The following ODF4 variants were observed in gnomAD, a reference collection of about 807,000 sequenced individuals.
ODF4 encodes the protein outer dense fiber protein 4.
A neutral mutation model predicts 17.0 loss-of-function variants in ODF4; 11 were observed. That is an observed-to-expected ratio of 0.65 (90% confidence interval 0.41 to 1.07). The LOEUF (loss-of-function observed/expected upper bound fraction) is 1.07, where lower values mean the gene tolerates loss of function less well. Ranked by LOEUF, ODF4 falls within the 50% of genes least tolerant of loss-of-function variation. ODF4 has a pLI of 0.00. For missense variants in ODF4, 281 were observed against 310.2 expected, an observed-to-expected ratio of 0.91 and a Z score of 0.71; for synonymous variants, 127 against 121.8, an observed-to-expected ratio of 1.04 and a Z score of -0.28.
At position 8,340,050 on chromosome 17, in the gene ODF4, A is replaced by G. The variant is rs749175207; in HGVS notation, c.-2A>G. 3 of 1,510,116 alleles carry G rather than the reference A, an allele frequency of 2.0e-6. No homozygotes were observed. Among genetic ancestry groups the G allele is most frequent in the South Asian group, 1.4e-5 (1 of 73,870 alleles). 93.5% of individuals were successfully genotyped at this position (1,510,116 alleles called of 1,614,324 possible). On this transcript the variant is annotated 5_prime_UTR_variant, in exon 1 of 3. Coordinates refer to ENST00000328248, the MANE Select transcript of ODF4 (RefSeq NM_153007.5). The stretch of plus-strand genomic sequence containing the variant: ...GAGACAGAGGGTGAAGTGGTGCTCA[A>G]GATGGATGCAGAGTACTCTGGGAAT...
chr17:8,341,640 C>T (rs763576270), intron 1 of ODF4, among the ~76,000 whole-genome samples: 2 of 151,956 alleles, frequency 1.3e-5, no homozygotes, highest in African/African-American at 4.8e-5. Context: ...GACTACAGGC[C>T]GTGGCCACCA....
chr17:8,345,364 T>C lies in ODF4; in HGVS notation c.476T>C (p.Leu159Pro). Reference sequence around the variant, plus strand: ...CTAGTCACCTTCATCTTCTCCACCCTCATGCTATTCCCCATTAACATCTGG... The same window carrying C: ...CTAGTCACCTTCATCTTCTCCACCCCCATGCTATTCCCCATTAACATCTGG... Reference protein sequence around the residue: ...NGKVTFIFSTLMLFPINIWIF... With the variant: ...NGKVTFIFSTPMLFPINIWIF... Residue 159 changes from leucine (L) to proline (P), a missense_variant, in exon 2 of 3, where the codon CTC becomes CCC. Transcript: ENST00000328248. This position sits in a 1 kb window ranked among gnomAD's most constrained non-coding sequence, Gnocchi z 4.1. 6.2e-7 allele frequency: 1 copy of C among 1,613,822 alleles called. No individual in the cohort carries two copies. Among genetic ancestry groups the C allele is most frequent in the Non-Finnish European group, 8.5e-7 (1 of 1,179,714 alleles).
intron 1 of ODF4, among the ~76,000 whole-genome samples, chr17:8,344,082 C>T (rs1394573340): frequency 8.0e-6 from 1 of 125,572 alleles, no homozygotes; most frequent in East Asian, 2.3e-4. Flanking sequence ...AGCCACTGCA[C>T]CCGACACCAA....
chr17:8,345,753 C>T lies in ODF4; in HGVS notation c.675C>T (p.Phe225=), dbSNP rs187448085. 17 of 1,614,054 alleles carry T rather than the reference C, an allele frequency of 1.1e-5. No homozygotes were observed. In the South Asian group the frequency reaches 1.2e-4, roughly 11 times the overall value. Residue 225 remains phenylalanine (F), a synonymous_variant, in exon 3 of 3, where the codon TTC becomes TTT. Transcript: ENST00000328248. This position sits in a 1 kb window ranked among gnomAD's most constrained non-coding sequence, Gnocchi z 4.1. ...GTGCCGTGTCCTGCAGCAGCAGTTT[C>T]GGCTCAGTAGAAGAATCTCCAAGGG... ...PSGAVSCSSS[F]GSVEESPRAQ... is the part of the protein sequence containing the mutation.
intron 1 of ODF4, among the ~76,000 whole-genome samples, chr17:8,341,150 A>T (rs1160645519): frequency 6.6e-6 from 1 of 151,912 alleles, no homozygotes; most frequent in South Asian, 2.1e-4. Context: ...AGACCGCACC[A>T]TTGCACTCCA....
rs60921277 is a variant in ODF4, at chr17:8,344,613, G to A, written c.455-730G>A. Among the ~76,000 whole-genome samples the A allele has an allele frequency of 5.5e-5, 5 of 91,122 alleles. 2 individuals carry two copies. The highest frequency in any genetic ancestry group is 1.9e-4 in the Admixed American group (2 of 10,448). 59.8% of individuals were successfully genotyped at this position (91,122 alleles called of 152,430 possible). On this transcript the variant is annotated intron_variant, in intron 1 of 2. Transcript: ENST00000328248. ...AAGCGATTCTCCTGCCTCAGCCTCC[G>A]GAGTAGCTGAGACTACAGGCATGCA...
In ODF4 at chr17:8,345,990, C is replaced by G. The variant is rs1287118785; in HGVS notation, c.*138C>G. The G allele has an allele frequency of 1.6e-6, 1 of 642,844 alleles. No individual in the cohort carries two copies. Among genetic ancestry groups the G allele is most frequent in the Non-Finnish European group, 2.7e-6 (1 of 374,836 alleles). The allele number at this position is 642,844 out of a possible 1,614,324, so 39.8% of individuals were successfully genotyped here. On this transcript the variant is annotated 3_prime_UTR_variant, in exon 3 of 3. Transcript: ENST00000328248. This position sits in a 1 kb window ranked among gnomAD's most constrained non-coding sequence, Gnocchi z 4.1. ...AGGATTTTGCACTCCTCTGCTTTCT[C>G]CCTGCCTTGATTGAGCTTGAGTGAT...
chr17:8,345,759 AG>A lies in ODF4; in HGVS notation c.682del (p.Val228Ter). 2 of 1,614,170 alleles carry A rather than the reference AG, an allele frequency of 1.2e-6. No individual in the cohort carries two copies. The highest frequency in any genetic ancestry group is 1.7e-6 in the Non-Finnish European group (2 of 1,180,002). ...TGTCCTGCAGCAGCAGTTTCGGCTC[AG>A]TAGAAGAATCTCCAAGGGCACAGAC... ...AVSCSSSFGS[V>X]EESPRAQTIT... On this transcript the variant is annotated frameshift_variant, in exon 3 of 3. Transcript: ENST00000328248. LOFTEE classifies it low-confidence loss of function (END_TRUNC). This position sits in a 1 kb window ranked among gnomAD's most constrained non-coding sequence, Gnocchi z 4.1.
Position 8,343,546 on chromosome 17 carries a change from A to G in ODF4, c.455-1797A>G, listed in dbSNP as rs1314976864. Among the ~76,000 whole-genome samples the G allele has an allele frequency of 1.6e-5, 2 of 127,066 alleles. 1 individual carries two copies. The highest frequency in any genetic ancestry group is 3.4e-5 in the Non-Finnish European group (2 of 59,490). 83.4% of individuals were successfully genotyped at this position (127,066 alleles called of 152,430 possible). ...AGCATTGTAGGGTCAAAGAATGTAG[A>G]TTTTCTGGATCTTTTGTACCAGATC... On this transcript the variant is annotated intron_variant, in intron 1 of 2. Transcript: ENST00000328248.
chr17:8,340,609 C>T, intron 1 of ODF4, 104 bp downstream of exon 1: 1 of 690,284 alleles, frequency 1.4e-6, no homozygotes, highest in Non-Finnish European at 2.4e-6. Flanking sequence ...GTCATCTTTA[C>T]TTTTTGGCCT....
Position 8,345,341 on chromosome 17 carries a change from A to C in ODF4, c.455-2A>C. 1 of 1,612,846 alleles carries C rather than the reference A, an allele frequency of 6.2e-7. No homozygotes were observed. Among genetic ancestry groups the C allele is most frequent in the Middle Eastern group, 1.7e-4 (1 of 6,058 alleles). The stretch of plus-strand genomic sequence containing the variant: ...TGAGACCCTCTGCCTCCTGTCTCCT[A>C]GTCACCTTCATCTTCTCCACCCTCA... On this transcript the variant is annotated splice_acceptor_variant, in intron 1 of 2. Transcript: ENST00000328248. LOFTEE classifies it high-confidence loss of function. This position sits in a 1 kb window ranked among gnomAD's most constrained non-coding sequence, Gnocchi z 4.1.
At position 8,345,631 on chromosome 17, in the gene ODF4, C is replaced by A; in HGVS notation, c.590-37C>A. On this transcript the variant is annotated intron_variant, in intron 2 of 2. Coordinates refer to ENST00000328248, the MANE Select transcript of ODF4 (RefSeq NM_153007.5). This position sits in a 1 kb window ranked among gnomAD's most constrained non-coding sequence, Gnocchi z 4.1. ...CCTACTTGTCACTTAACCTCCCAGT[C>A]ACAACTTTCCTCTCCCCTGTCCCTG... The A allele has an allele frequency of 6.3e-7, 1 of 1,591,904 alleles. No individual in the cohort carries two copies.
Position 8,340,218 on chromosome 17 carries a change from G to T in ODF4, c.167G>T (p.Arg56Met), listed in dbSNP as rs753949783. The T allele has an allele frequency of 3.7e-6, 6 of 1,613,932 alleles. No individual in the cohort carries two copies. The highest frequency in any genetic ancestry group is 1.3e-5 in the African/African-American group (1 of 75,048). The change falls in exon 1 of 3, where the codon AGG (arginine) becomes ATG (methionine). Residue 56 changes from arginine (R) to methionine (M), a missense_variant. Arg to Met is a moderately conservative substitution (Grantham distance 91). Coordinates refer to ENST00000328248, the MANE Select transcript of ODF4 (RefSeq NM_153007.5). ...TCCACCCTCTCCCTCAGTAGTAACA[G>T]GTCCTTGGGCCAGCGCCAGAACTCT... ...LSSTLSLSSN[R>M]SLGQRQNSPL... is the part of the protein sequence containing the mutation.
chr17:8,345,244 G>A lies in ODF4; in HGVS notation c.455-99G>A, dbSNP rs1272132665. ...GGAACCTCAGGGCCAGTCACTCTGT[G>A]TGTGGTGATGTGGTTTGTGGCTGTA... On this transcript the variant is annotated intron_variant, in intron 1 of 2. Coordinates refer to ENST00000328248, the MANE Select transcript of ODF4 (RefSeq NM_153007.5). This position sits in a 1 kb window ranked among gnomAD's most constrained non-coding sequence, Gnocchi z 4.1. 1 of 1,123,900 alleles carries A rather than the reference G, an allele frequency of 8.9e-7. No homozygotes were observed. The highest frequency in any genetic ancestry group is 1.3e-6 in the Non-Finnish European group (1 of 766,030). 69.6% of individuals were successfully genotyped at this position (1,123,900 alleles called of 1,614,324 possible). A position where few individuals can be genotyped will look rare whatever the true frequency, so the allele number is the denominator to read the frequency against.
chr17:8,343,128 T>C (rs1452603621), intron 1 of ODF4, among the ~76,000 whole-genome samples: 1 of 143,668 alleles, frequency 7.0e-6, no homozygotes, highest in Non-Finnish European at 1.5e-5. Flanking sequence ...AAGGAGCTTA[T>C]TGGACATTTT....
intron 1 of ODF4, among the ~76,000 whole-genome samples, chr17:8,343,929 C>T (rs1434184158): frequency 8.2e-6 from 1 of 121,646 alleles, no homozygotes; most frequent in East Asian, 2.3e-4. Flanking sequence ...GCTGGGATTA[C>T]AGGCGCATGC....
At chr17:8,340,625 A>G in intron 1 of ODF4, 120 bp downstream of exon 1, 1 of 633,910 alleles carries the variant, frequency 1.6e-6, no homozygotes, top group Non-Finnish European at 2.7e-6. Context: ...GGCCTGCAAG[A>G]TGGTTCCACT....
Position 8,344,747 on chromosome 17 carries a change from A to G in ODF4, c.455-596A>G, listed in dbSNP as rs572739098. The G allele has an allele frequency of 2.2e-3, 857 of 396,262 alleles. 1 individual carries two copies. Among genetic ancestry groups the G allele is most frequent in the Non-Finnish European group, 2.8e-3 (822 of 291,480 alleles). 24.5% of individuals were successfully genotyped at this position (396,262 alleles called of 1,614,324 possible). A position where few individuals can be genotyped will look rare whatever the true frequency, so the allele number is the denominator to read the frequency against. On this transcript the variant is annotated intron_variant, in intron 1 of 2. Transcript: ENST00000328248. ...TGTGATCCACCTGCCTCGGCCTCCC[A>G]ACGTGCTAGGATTACAGGCGTGAGT... is the stretch of plus-strand genomic sequence containing the variant.
Position 8,340,168 on chromosome 17 carries a change from G to T in ODF4, c.117G>T (p.Leu39=). ...SGEAGWGTGE[L]GQDGRLLSST... ...AGGCAGGATGGGGCACAGGTGAGCT[G>T]GGACAAGATGGGAGACTGCTGTCCT... Residue 39 remains leucine, a synonymous_variant, in exon 1 of 3, where the codon CTG becomes CTT. Coordinates refer to ENST00000328248, the MANE Select transcript of ODF4 (RefSeq NM_153007.5). 6.3e-7 allele frequency: 1 copy of T among 1,597,646 alleles called. No individual in the cohort carries two copies. The highest frequency in any genetic ancestry group is 8.5e-7 in the Non-Finnish European group (1 of 1,170,972).
Sources: allele counts gnomAD v4.1 joint callset (sites outside exome capture counted in the v4.1 genomes callset), GRCh38; gene constraint gnomAD v4.1.1; non-coding constraint Gnocchi (gnomAD v3.1); transcripts MANE v1.5; gene names NCBI Gene and HGNC (gene_info 2026-07-23, HGNC 2026-07-21).